DLGAP1: variants seen among roughly 807,000 people sequenced by gnomAD.
DLGAP1 encodes DLG associated protein 1.
DLGAP1 carries 11 observed loss-of-function variants against 90.8 expected under a neutral mutation model. The observed-to-expected ratio is 0.12, with a 90% confidence interval of 0.08 to 0.20. DLGAP1 has a LOEUF of 0.20. Ranked by LOEUF, DLGAP1 falls within the 10% of genes least tolerant of loss-of-function variation. The pLI is 1.00. For missense variants in DLGAP1, 1,050 were observed against 1,333.8 expected (o/e 0.79, Z 3.31); for synonymous variants, 558 against 540.7 (o/e 1.03, Z -0.44).
rs114445158 is a variant in DLGAP1 at position 3,828,084 on chromosome 18, C to T, written c.958-13811G>A. Among the ~76,000 whole-genome samples the T allele has an allele frequency of 9.7e-3, 1,482 of 152,228 alleles. 24 individuals are homozygous for T. The highest frequency in any genetic ancestry group is 0.034 in the African/African-American group (1,397 of 41,520). On this transcript the variant is annotated intron_variant, in intron 4 of 12. Transcript: ENST00000315677. ...ATTGTACTTCTGTACTGATTGTAGT[C>T]GTGTAGAAGAATATTTCTTAAAACC...
intron 2 of DLGAP1, among the ~76,000 whole-genome samples, chr18:4,041,637 C>T (rs2074976131): frequency 6.6e-6 from 1 of 152,194 alleles, no homozygotes; most frequent in Non-Finnish European, 1.5e-5. Flanking sequence ...TTCTTCCACT[C>T]ATACAACTTT....
intron 3 of DLGAP1, among the ~76,000 whole-genome samples, chr18:3,961,364 C>A (rs184259146): frequency 6.6e-6 from 1 of 152,188 alleles, no homozygotes; most frequent in Non-Finnish European, 1.5e-5. Flanking sequence ...TTTTCTGAAG[C>A]CTTTTTGCAA....
At chr18:3,662,000 C>T (rs1478051362) in intron 7 of DLGAP1, among the ~76,000 whole-genome samples, 1 of 152,044 alleles carries the variant, frequency 6.6e-6, no homozygotes, top group Admixed American at 6.6e-5. Flanking sequence ...AACATTATCA[C>T]TTGTAGTAAT....
At chr18:4,106,356 G>A (rs150853474) in intron 2 of DLGAP1, among the ~76,000 whole-genome samples, 7 of 152,306 alleles carry the variant, frequency 4.6e-5, no homozygotes, top group Admixed American at 4.6e-4. Flanking sequence ...TTCATTGGCA[G>A]AAAGGCAGGC....
At chr18:3,568,024 G>A (rs531756084) in intron 8 of DLGAP1, among the ~76,000 whole-genome samples, 5 of 151,842 alleles carry the variant, frequency 3.3e-5, no homozygotes, top group African/African-American at 9.7e-5. Flanking sequence ...TCAGCCTCCC[G>A]AATAGCTGAG....
chr18:4,276,068 G>A (rs542937352), intron 1 of DLGAP1, among the ~76,000 whole-genome samples: 8 of 149,442 alleles, frequency 5.4e-5, no homozygotes, highest in African/African-American at 1.2e-4. Flanking sequence ...GGGTTCAGCC[G>A]GAAAAGACCT....
At chr18:3,786,716 G>A (rs760640874) in intron 5 of DLGAP1, among the ~76,000 whole-genome samples, 1 of 152,128 alleles carries the variant, frequency 6.6e-6, no homozygotes, top group Non-Finnish European at 1.5e-5. Flanking sequence ...CTAAGTTAAT[G>A]GAAAATAGGA....
intron 1 of DLGAP1, among the ~76,000 whole-genome samples, chr18:4,370,759 A>G (rs1006993114): frequency 5.0e-5 from 3 of 60,320 alleles, no homozygotes; most frequent in Non-Finnish European, 1.1e-4. Flanking sequence ...GTGTATGCAT[A>G]TGTGTGGGTT....
At chr18:3,751,151 C>T (rs2063477942) in intron 5 of DLGAP1, among the ~76,000 whole-genome samples, 1 of 152,136 alleles carries the variant, frequency 6.6e-6, no homozygotes, top group Non-Finnish European at 1.5e-5. Flanking sequence ...CACTAATAAC[C>T]CCTAACACTT....
chr18:3,544,465 A>G, intron 9 of DLGAP1, among the ~76,000 whole-genome samples: 1 of 152,170 alleles, frequency 6.6e-6, no homozygotes, highest in East Asian at 1.9e-4. Flanking sequence ...AAGGTTTAAA[A>G]TACTTTCTAT....
chr18:4,297,019 G>A (rs1262537480), intron 1 of DLGAP1, among the ~76,000 whole-genome samples: 1 of 152,130 alleles, frequency 6.6e-6, no homozygotes, highest in Non-Finnish European at 1.5e-5. Context: ...TAAATTAAGA[G>A]TGGAACAGGT....
At chr18:3,527,875 G>A (rs905090564) in intron 10 of DLGAP1, among the ~76,000 whole-genome samples, 2 of 152,154 alleles carry the variant, frequency 1.3e-5, no homozygotes, top group Non-Finnish European at 2.9e-5. Context: ...TTACAGGCAG[G>A]AGCCACCACG....
intron 1 of DLGAP1, among the ~76,000 whole-genome samples, chr18:4,376,909 T>C (rs1244563829): frequency 6.6e-6 from 1 of 152,192 alleles, no homozygotes; most frequent in Non-Finnish European, 1.5e-5. Flanking sequence ...TAAAATATAA[T>C]TTCCTTGACA....
At chr18:4,002,442 T>TCTCC (rs140440632) in intron 3 of DLGAP1, among the ~76,000 whole-genome samples, 29 of 152,126 alleles carry the variant, frequency 1.9e-4, no homozygotes, top group African/African-American at 7.0e-4. Context: ...CTCTTCTCCC[T>TCTCC]CATCAGCCTA....
chr18:4,076,337 C>G (rs2075522747), intron 2 of DLGAP1, among the ~76,000 whole-genome samples: 2 of 152,274 alleles, frequency 1.3e-5, no homozygotes, highest in African/African-American at 4.8e-5. Flanking sequence ...CATTCAAAAC[C>G]TAATCCACAC....
intron 1 of DLGAP1, among the ~76,000 whole-genome samples, chr18:4,371,685 T>C (rs1242293403): frequency 6.6e-6 from 1 of 152,246 alleles, no homozygotes; most frequent in Non-Finnish European, 1.5e-5. Context: ...ACTACAAATG[T>C]ATGAAGATTT....
intron 7 of DLGAP1, among the ~76,000 whole-genome samples, chr18:3,710,989 G>C (rs1598423260): frequency 6.6e-6 from 1 of 152,234 alleles, no homozygotes; most frequent in Non-Finnish European, 1.5e-5. Context: ...AGGTCAGAGG[G>C]CAGGGCTAGG....
intron 5 of DLGAP1, among the ~76,000 whole-genome samples, chr18:3,786,064 C>T (rs926297773): frequency 1.3e-5 from 2 of 152,190 alleles, no homozygotes; most frequent in African/African-American, 4.8e-5. Flanking sequence ...CTGTCATCTC[C>T]TCCCCTGACC....
At chr18:3,613,260 A>G (rs149503620) in intron 7 of DLGAP1, among the ~76,000 whole-genome samples, 32 of 152,316 alleles carry the variant, frequency 2.1e-4, no homozygotes, top group African/African-American at 7.2e-4. Context: ...TATTAGATAT[A>G]AAACCCTTCT....
Sources: allele counts gnomAD v4.1 joint callset (sites outside exome capture counted in the v4.1 genomes callset), GRCh38; gene constraint gnomAD v4.1.1; transcripts MANE v1.5; gene names NCBI Gene and HGNC (gene_info 2026-07-23, HGNC 2026-07-21).